Variants in AGAP1 observed in about 807,000 individuals in gnomAD.
AGAP1 encodes the protein arf-GAP with GTPase, ANK repeat and PH domain-containing protein 1.
In AGAP1, 29 loss-of-function variants were observed where a neutral mutation model predicts 105.3. That is an observed-to-expected ratio of 0.28 (90% CI 0.21 to 0.38). The LOEUF is 0.38. Ranked by LOEUF, AGAP1 falls within the 10% of genes least tolerant of loss-of-function variation. The probability of loss-of-function intolerance (pLI) is 1.00; values close to 1 mark genes in which losing one functional copy is unlikely to be tolerated. For synonymous variants in AGAP1, 509 were observed against 485.9 expected, an observed-to-expected ratio of 1.05 and a Z score of -0.63; for missense variants, 998 against 1,165.1, an observed-to-expected ratio of 0.86 and a Z score of 2.09.
intron 1 of AGAP1, among the ~76,000 whole-genome samples, chr2:235,510,534 G>A (rs1054051135): frequency 2.0e-5 from 3 of 152,310 alleles, no homozygotes; most frequent in South Asian, 2.1e-4. Flanking sequence ...ATATGGGCAC[G>A]TGCTTTCATT....
rs1944833322 is a variant in AGAP1 at position 235,578,992 on chromosome 2, G to T, written c.163+84143G>T. Among the ~76,000 whole-genome samples the T allele has an allele frequency of 6.6e-6, 1 of 152,050 alleles. No homozygotes were observed. The highest frequency in any genetic ancestry group is 1.9e-4 in the East Asian group (1 of 5,182). On this transcript the variant is annotated intron_variant, in intron 1 of 17. Transcript: ENST00000304032. The surrounding 1 kb of genome is among the most constrained non-coding windows in gnomAD (Gnocchi z 4.9). ...CTCTTTGCTAGTCTAAGTCTTAGAA[G>T]AATTAAGGGTTTTCTTATTACTGGC...
In AGAP1 at chr2:235,600,864, C is replaced by G. The variant is rs55723145; in HGVS notation, c.163+106015C>G. Among the ~76,000 whole-genome samples, 12,810 of 152,266 alleles carry G rather than the reference C, an allele frequency of 0.084. 751 individuals are homozygous for G. Among genetic ancestry groups the G allele is most frequent in the Non-Finnish European group, 0.13 (8,821 of 68,014 alleles). On this transcript the variant is annotated intron_variant, in intron 1 of 17. Transcript: ENST00000304032. This position sits in a 1 kb window ranked among gnomAD's most constrained non-coding sequence, Gnocchi z 4.8. ...CCCAGGATCAATACTTTGCATCTTTCAATCCAGTCAGGTTGACACTCAGTA... is the reference window on the plus strand; with the variant it reads ...CCCAGGATCAATACTTTGCATCTTTGAATCCAGTCAGGTTGACACTCAGTA...
chr2:235,808,957 T>C (rs1957985284), intron 9 of AGAP1, among the ~76,000 whole-genome samples: 1 of 152,226 alleles, frequency 6.6e-6, no homozygotes, highest in Non-Finnish European at 1.5e-5. Flanking sequence ...GTAATTTTTA[T>C]GCCACTGATA....
Position 235,908,723 on chromosome 2 carries a change from TA to T in AGAP1, c.1156-13del. On this transcript the variant is annotated splice_polypyrimidine_tract_variant and intron_variant, in intron 10 of 17. Transcript: ENST00000304032. The surrounding 1 kb of genome is among the most constrained non-coding windows in gnomAD (Gnocchi z 4.4). ...TTTTTTTTTATCTCTCTTGGATGTT[TA>T]ACATTTTCAACAGGATTACATGCAG... 6.3e-7 allele frequency: 1 copy of T among 1,582,518 alleles called. No individual in the cohort carries two copies. The highest frequency in any genetic ancestry group is 8.6e-7 in the Non-Finnish European group (1 of 1,164,186).
intron 1 of AGAP1, among the ~76,000 whole-genome samples, chr2:235,514,564 C>G (rs1215549793): frequency 1.3e-5 from 2 of 152,374 alleles, no homozygotes; most frequent in African/African-American, 4.8e-5. Flanking sequence ...TTTGGATCAC[C>G]TGAGTCCTGC....
At chr2:235,854,993 G>A (rs1323087849) in intron 9 of AGAP1, among the ~76,000 whole-genome samples, 2 of 152,164 alleles carry the variant, frequency 1.3e-5, no homozygotes, top group African/African-American at 2.4e-5. Context: ...AGGAGGGCCC[G>A]CCATGAGGTC....
At chr2:236,085,804 A>G (rs1418281126) in intron 16 of AGAP1, among the ~76,000 whole-genome samples, 3 of 152,160 alleles carry the variant, frequency 2.0e-5, no homozygotes. Context: ...CCGCCTCAGG[A>G]TGTGGCCCAG....
At chr2:235,850,934 G>A (rs534209911) in intron 9 of AGAP1, among the ~76,000 whole-genome samples, 28 of 152,340 alleles carry the variant, frequency 1.8e-4, no homozygotes, top group African/African-American at 6.5e-4. Context: ...TGCCCAAGGG[G>A]TTTAGCAAGG....
rs563659146 is a variant in AGAP1, at chr2:235,599,236, A to G, written c.163+104387A>G. 6.6e-6 allele frequency among the ~76,000 whole-genome samples: 1 copy of G among 152,086 alleles called. No homozygotes were observed. Among genetic ancestry groups the G allele is most frequent in the Non-Finnish European group, 1.5e-5 (1 of 68,028 alleles). On this transcript the variant is annotated intron_variant, in intron 1 of 17. Transcript: ENST00000304032. The surrounding 1 kb of genome is among the most constrained non-coding windows in gnomAD (Gnocchi z 5.3). The stretch of plus-strand genomic sequence containing the variant: ...CCACGAATGCTGCGAGAACCCACAC[A>G]GCTGTTCATTTCGGTGGCCGAGGGC...
chr2:235,789,087 G>A lies in AGAP1; in HGVS notation c.674-8672G>A, dbSNP rs559389302. 3.9e-4 allele frequency among the ~76,000 whole-genome samples: 60 copies of A among 152,324 alleles called. No homozygotes were observed. The highest frequency in any genetic ancestry group is 1.3e-3 in the African/African-American group (55 of 41,578). On this transcript the variant is annotated intron_variant, in intron 6 of 17. Coordinates refer to ENST00000304032, the MANE Select transcript of AGAP1 (RefSeq NM_001037131.3). This position sits in a 1 kb window ranked among gnomAD's most constrained non-coding sequence, Gnocchi z 4.2. Reference sequence around the variant, plus strand: ...GAAGAGGAAGGGATGTGTGTTTCCTGCAGCGTGATTTGAAGTCCCCTTTAC... The same window carrying A: ...GAAGAGGAAGGGATGTGTGTTTCCTACAGCGTGATTTGAAGTCCCCTTTAC...
At chr2:235,761,900 G>A (rs1015403927) in intron 6 of AGAP1, among the ~76,000 whole-genome samples, 3 of 151,618 alleles carry the variant, frequency 2.0e-5, no homozygotes, top group African/African-American at 4.9e-5. Context: ...ACCTGAGGTC[G>A]GGAGTTCAAG....
intron 1 of AGAP1, among the ~76,000 whole-genome samples, chr2:235,617,075 T>C (rs1170784281): frequency 6.6e-6 from 1 of 152,170 alleles, no homozygotes; most frequent in African/African-American, 2.4e-5. Flanking sequence ...AAACATTTGC[T>C]TTCACTTTTG....
Position 235,517,672 on chromosome 2 carries a change from C to T in AGAP1, c.163+22823C>T, listed in dbSNP as rs534082870. On this transcript the variant is annotated intron_variant, in intron 1 of 17. Coordinates refer to ENST00000304032, the MANE Select transcript of AGAP1 (RefSeq NM_001037131.3). The surrounding 1 kb of genome is among the most constrained non-coding windows in gnomAD (Gnocchi z 4.1). ...GAAGCCTGGGCCAGATGCAGTGGCT[C>T]ACACCTGTAATCCCAGCACTCTGGG... 6.6e-6 allele frequency among the ~76,000 whole-genome samples: 1 copy of T among 152,262 alleles called. No individual in the cohort carries two copies. The highest frequency in any genetic ancestry group is 2.1e-4 in the South Asian group (1 of 4,818).
chr2:235,685,664 T>C (rs1949341602), intron 1 of AGAP1, among the ~76,000 whole-genome samples: 1 of 152,056 alleles, frequency 6.6e-6, no homozygotes, highest in South Asian at 2.1e-4. Context: ...CATGCCATAT[T>C]GTTAGCACCT....
chr2:235,787,653 A>G lies in AGAP1; in HGVS notation c.674-10106A>G, dbSNP rs557793005. On this transcript the variant is annotated intron_variant, in intron 6 of 17. Transcript: ENST00000304032. This position sits in a 1 kb window ranked among gnomAD's most constrained non-coding sequence, Gnocchi z 4.4. ...AGTTGCTCAATAAAAACAGTCAGTA[A>G]ATGGGATGAGTGAGGGATGCTATAA... Among the ~76,000 whole-genome samples, 6 of 152,322 alleles carry G rather than the reference A, an allele frequency of 3.9e-5. No homozygotes were observed. In the South Asian group the frequency reaches 1.2e-3, roughly 32 times the overall value.
At position 236,061,264 on chromosome 2, in the gene AGAP1, G is replaced by A. The variant is rs1046530307; in HGVS notation, c.2114+11983G>A. ...GTTGGTGAGGAACGTGGAGACACTG[G>A]TGCAGCCACTTGGGAAGATAGTCTG... On this transcript the variant is annotated intron_variant, in intron 16 of 17. Transcript: ENST00000304032. This position sits in a 1 kb window ranked among gnomAD's most constrained non-coding sequence, Gnocchi z 4.1. Among the ~76,000 whole-genome samples the A allele has an allele frequency of 6.6e-6, 1 of 152,140 alleles. No homozygotes were observed. Among genetic ancestry groups the A allele is most frequent in the Non-Finnish European group, 1.5e-5 (1 of 68,036 alleles).
rs6760704 is a variant in AGAP1, at chr2:235,578,095, A to G, written c.163+83246A>G. On this transcript the variant is annotated intron_variant, in intron 1 of 17. Coordinates refer to ENST00000304032, the MANE Select transcript of AGAP1 (RefSeq NM_001037131.3). This position sits in a 1 kb window ranked among gnomAD's most constrained non-coding sequence, Gnocchi z 4.9. ...GTCTGAGGGTCCGAGCGTGATTGGG[A>G]GCAGAGACAAGAGTTCCAGGGCGAG... 0.21 allele frequency among the ~76,000 whole-genome samples: 32,525 copies of G among 151,914 alleles called. 3,635 individuals are homozygous for G. The highest frequency in any genetic ancestry group is 0.33 in the East Asian group (1,679 of 5,126).
intron 16 of AGAP1, among the ~76,000 whole-genome samples, chr2:236,115,780 CAG>C (rs2059756183): frequency 6.6e-6 from 1 of 151,844 alleles, no homozygotes; most frequent in Admixed American, 6.6e-5. Flanking sequence ...CCAAAGGACT[CAG>C]AAGTCAGCAT....
intron 16 of AGAP1, among the ~76,000 whole-genome samples, chr2:236,108,266 A>G (rs1234778527): frequency 6.6e-6 from 1 of 151,666 alleles, no homozygotes; most frequent in Non-Finnish European, 1.5e-5. Flanking sequence ...TTCCTCACGT[A>G]TTGTTCCAGC....
Sources: allele counts gnomAD v4.1 joint callset (sites outside exome capture counted in the v4.1 genomes callset), GRCh38; gene constraint gnomAD v4.1.1; non-coding constraint Gnocchi (gnomAD v3.1); transcripts MANE v1.5; gene names NCBI Gene and HGNC (gene_info 2026-07-23, HGNC 2026-07-21).